The following DNM3 variants were observed in gnomAD, a reference collection of about 807,000 sequenced individuals.
DNM3 encodes dynamin-3.
In DNM3, 47 loss-of-function variants were observed where a neutral mutation model predicts 101.6. That is an observed-to-expected ratio of 0.46 (90% CI 0.37 to 0.59). DNM3 has a LOEUF of 0.59. DNM3 is among the 20% of genes least tolerant of loss of function. DNM3 has a pLI of 0.00. For missense variants in DNM3, 849 were observed against 1,085.7 expected (o/e 0.78, Z 3.06); for synonymous variants, 385 against 387.9 (o/e 0.99, Z 0.09).
chr1:172,019,747 C>T (rs985032200), intron 4 of DNM3, among the ~76,000 whole-genome samples: 10 of 151,868 alleles, frequency 6.6e-5, no homozygotes, highest in African/African-American at 9.7e-5. Flanking sequence ...TTTTTCCAGT[C>T]CAGTCAAATG....
intron 13 of DNM3, among the ~76,000 whole-genome samples, chr1:172,110,041 A>T (rs2055348770): frequency 6.6e-6 from 1 of 152,120 alleles, no homozygotes; most frequent in African/African-American, 2.4e-5. Flanking sequence ...TGAACCTGTT[A>T]CTCCTCAGCT....
chr1:172,279,577 G>A (rs1432837972), intron 15 of DNM3, among the ~76,000 whole-genome samples: 1 of 152,032 alleles, frequency 6.6e-6, no homozygotes, highest in Non-Finnish European at 1.5e-5. Context: ...TCTATATCCA[G>A]GCTTCTTCCT....
intron 2 of DNM3, among the ~76,000 whole-genome samples, chr1:171,935,193 T>A (rs1477507680): frequency 6.6e-6 from 1 of 152,098 alleles, no homozygotes; most frequent in Non-Finnish European, 1.5e-5. Context: ...AATTCAGAAT[T>A]ACTATCTAAT....
At chr1:172,227,685 T>G (rs768960068) in intron 14 of DNM3, among the ~76,000 whole-genome samples, 1 of 152,154 alleles carries the variant, frequency 6.6e-6, no homozygotes, top group African/African-American at 2.4e-5. Context: ...TGATTAGTGA[T>G]GTTGAACATT....
chr1:171,925,217 T>A (rs569150094), intron 2 of DNM3, among the ~76,000 whole-genome samples: 159 of 151,212 alleles, frequency 1.1e-3, no homozygotes, highest in African/African-American at 1.8e-3. Context: ...CCACTTTTTT[T>A]AAATTCTTTT....
chr1:172,271,646 C>T (rs1051326041), intron 15 of DNM3, among the ~76,000 whole-genome samples: 3 of 151,946 alleles, frequency 2.0e-5, no homozygotes, highest in African/African-American at 7.2e-5. Flanking sequence ...CACCAAAACT[C>T]GACAAGTAAT....
At chr1:172,026,516 A>G (rs1037833541) in intron 4 of DNM3, among the ~76,000 whole-genome samples, 2 of 152,166 alleles carry the variant, frequency 1.3e-5, no homozygotes, top group Non-Finnish European at 2.9e-5. Context: ...CAGACTCACC[A>G]AAGTTGAAAT....
intron 4 of DNM3, among the ~76,000 whole-genome samples, chr1:171,992,472 C>T (rs1015714555): frequency 2.0e-5 from 3 of 152,044 alleles, no homozygotes; most frequent in Non-Finnish European, 4.4e-5. Flanking sequence ...CACAAATCTA[C>T]TCCAGAAAGT....
intron 12 of DNM3, among the ~76,000 whole-genome samples, chr1:172,084,789 A>T (rs2053414546): frequency 6.6e-6 from 1 of 152,126 alleles, no homozygotes; most frequent in African/African-American, 2.4e-5. Context: ...AGATTTTTAG[A>T]GAGTTGCCAA....
chr1:172,236,408 G>C (rs2061548020), intron 14 of DNM3, among the ~76,000 whole-genome samples: 1 of 152,178 alleles, frequency 6.6e-6, no homozygotes, highest in Non-Finnish European at 1.5e-5. Context: ...TTTCTAGAAA[G>C]GCAGGATAGC....
In DNM3 at chr1:172,408,650, TTA is replaced by T; in HGVS notation, c.*813_*814del. ...TTACTTATATTCACCTCATGGTAGG[TTA>T]TATTGAAGGCTGACATGGAGAATGT... On this transcript the variant is annotated 3_prime_UTR_variant, in exon 21 of 21. Transcript: ENST00000627582. The T allele has an allele frequency of 2.0e-6, 2 of 985,068 alleles. No individual in the cohort carries two copies. The highest frequency in any genetic ancestry group is 2.4e-6 in the Non-Finnish European group (2 of 829,622). 61.0% of individuals were successfully genotyped at this position (985,068 alleles called of 1,614,324 possible).
At chr1:172,302,601 G>T (rs915729578) in intron 15 of DNM3, among the ~76,000 whole-genome samples, 1 of 152,168 alleles carries the variant, frequency 6.6e-6, no homozygotes, top group South Asian at 2.1e-4. Flanking sequence ...TAGCCTAACT[G>T]GGAGACACCT....
At chr1:172,022,103 T>G (rs2047890122) in intron 4 of DNM3, among the ~76,000 whole-genome samples, 1 of 152,172 alleles carries the variant, frequency 6.6e-6, no homozygotes, top group African/African-American at 2.4e-5. Flanking sequence ...TGGAATTAGG[T>G]TGCTGGATTT....
At chr1:172,405,881 C>G (rs556116192) in intron 20 of DNM3, among the ~76,000 whole-genome samples, 49 of 151,208 alleles carry the variant, frequency 3.2e-4, no homozygotes, top group African/African-American at 1.2e-3. Context: ...CTACATGTCA[C>G]TTTAGCTACT....
chr1:172,188,802 C>T (rs527894705), intron 14 of DNM3, among the ~76,000 whole-genome samples: 5 of 152,128 alleles, frequency 3.3e-5, no homozygotes, highest in East Asian at 3.9e-4. Flanking sequence ...CTTCCAGAAA[C>T]GAATATGAGT....
intron 4 of DNM3, among the ~76,000 whole-genome samples, chr1:171,990,760 A>C (rs1432491468): frequency 6.6e-6 from 1 of 151,998 alleles, no homozygotes; most frequent in African/African-American, 2.4e-5. Flanking sequence ...GCCTTTCCAG[A>C]ATTCTGCAAT....
At chr1:172,112,834 T>C (rs1431337808) in intron 13 of DNM3, among the ~76,000 whole-genome samples, 1 of 152,206 alleles carries the variant, frequency 6.6e-6, no homozygotes, top group Non-Finnish European at 1.5e-5. Flanking sequence ...CATAGGGTTG[T>C]TGAGAAGATT....
chr1:171,922,927 C>T (rs992097020), intron 2 of DNM3, among the ~76,000 whole-genome samples: 3 of 152,180 alleles, frequency 2.0e-5, no homozygotes, highest in Non-Finnish European at 4.4e-5. Context: ...GGATAGATCA[C>T]ATTTTGTTTG....
chr1:171,910,645 G>A (rs902175755), intron 1 of DNM3, among the ~76,000 whole-genome samples: 21 of 152,112 alleles, frequency 1.4e-4, no homozygotes, highest in Non-Finnish European at 2.9e-4. Context: ...ACGAATTTAG[G>A]TAAATAATGA....
Sources: gnomAD v4.1 joint callset for allele counts (sites outside exome capture counted in the v4.1 genomes callset) on GRCh38, gnomAD v4.1.1 for gene constraint, MANE v1.5 for transcripts, NCBI Gene and HGNC (gene_info 2026-07-23, HGNC 2026-07-21) for gene names.